The following DCC variants were observed in gnomAD, a reference collection of about 807,000 sequenced individuals.
DCC encodes netrin receptor DCC.
In DCC, 58 loss-of-function variants were observed where a neutral mutation model predicts 172.5. The ratio of observed to expected loss-of-function variants is 0.34; its 90% CI spans 0.27 to 0.42. DCC has a LOEUF of 0.42. Among genes scored for constraint, DCC ranks in the 10% least tolerant of loss-of-function variants. The pLI, the probability that DCC is intolerant of heterozygous loss-of-function variation, is 1.00. For missense variants in DCC, 1,740 were observed against 1,791.0 expected (o/e 0.97, Z 0.51); for synonymous variants, 709 against 644.5 (o/e 1.10, Z -1.52).
At chr18:53,391,611 A>C (rs933997442) in intron 16 of DCC, 44 bp from the exon 17 acceptor site, 2 of 1,224,240 alleles carry the variant, frequency 1.6e-6, no homozygotes, top group African/African-American at 3.0e-5. Context: ...GCTTTTATTT[A>C]CGTATTTATT....
intron 5 of DCC, among the ~76,000 whole-genome samples, chr18:52,959,463 G>T (rs183456166): frequency 1.1e-3 from 164 of 152,134 alleles, no homozygotes; most frequent in African/African-American, 3.7e-3. Context: ...AGCTACATTT[G>T]TATGTTTGTT....
chr18:52,871,044 GACA>G (rs1234314001), intron 2 of DCC, among the ~76,000 whole-genome samples: 1 of 152,126 alleles, frequency 6.6e-6, no homozygotes, highest in Non-Finnish European at 1.5e-5. Flanking sequence ...GCACTAACCA[GACA>G]ACAAAGGTTG....
chr18:52,804,052 T>G (rs1598819149), intron 2 of DCC, among the ~76,000 whole-genome samples: 1 of 152,146 alleles, frequency 6.6e-6, no homozygotes, highest in African/African-American at 2.4e-5. Context: ...AGTGGTGGCA[T>G]GTAGGGTAGA....
In DCC at chr18:52,340,548, G is replaced by T; in HGVS notation, c.-240G>T. The T allele has an allele frequency of 3.3e-6, 2 of 600,954 alleles. No homozygotes were observed. The highest frequency in any genetic ancestry group is 6.0e-6 in the Non-Finnish European group (2 of 335,118). The allele number at this position is 600,954 out of a possible 1,614,324, so 37.2% of individuals were successfully genotyped here. On this transcript the variant is annotated 5_prime_UTR_variant, in exon 1 of 29. Coordinates refer to ENST00000442544, the MANE Select transcript of DCC (RefSeq NM_005215.4). Reference sequence around the variant, plus strand: ...ACCGGGGCTCGGGATCTCTTGGACCGAATGGAACTTTTTGCTGCCTGCTTT... The same window carrying T: ...ACCGGGGCTCGGGATCTCTTGGACCTAATGGAACTTTTTGCTGCCTGCTTT...
chr18:52,731,577 A>G (rs2036643230), intron 1 of DCC, among the ~76,000 whole-genome samples: 2 of 152,202 alleles, frequency 1.3e-5, no homozygotes, highest in African/African-American at 4.8e-5. Context: ...CTGCATAGAC[A>G]TAGTATATTA....
At chr18:53,145,495 G>A (rs1464723677) in intron 7 of DCC, among the ~76,000 whole-genome samples, 1 of 152,186 alleles carries the variant, frequency 6.6e-6, no homozygotes, top group Non-Finnish European at 1.5e-5. Flanking sequence ...TTGTGAGGAC[G>A]CAGCAACGGG....
chr18:52,941,427 T>C (rs2085011297), intron 5 of DCC, among the ~76,000 whole-genome samples: 1 of 152,046 alleles, frequency 6.6e-6, no homozygotes, highest in Non-Finnish European at 1.5e-5. Context: ...AGTCCAGGAA[T>C]TGATGACTAA....
intron 1 of DCC, among the ~76,000 whole-genome samples, chr18:52,559,305 G>A (rs917992336): frequency 2.6e-5 from 4 of 152,124 alleles, no homozygotes; most frequent in African/African-American, 9.7e-5. Flanking sequence ...TAGAGACAGG[G>A]TTTCACCGTG....
intron 1 of DCC, among the ~76,000 whole-genome samples, chr18:52,550,994 T>C (rs1450865148): frequency 6.6e-6 from 1 of 152,088 alleles, no homozygotes; most frequent in Non-Finnish European, 1.5e-5. Flanking sequence ...AAGAGGTACA[T>C]GTGCAGATGT....
In DCC at chr18:53,210,324, G is replaced by A. The variant is rs112756383; in HGVS notation, c.1861+2507G>A. On this transcript the variant is annotated intron_variant, in intron 11 of 28. Coordinates refer to ENST00000442544, the MANE Select transcript of DCC (RefSeq NM_005215.4). ...CTTCAGTCATGGAGCACTCTTCTTCGTTAACTTTATGTATGTTGTAACAGG... is the reference window on the plus strand; with the variant it reads ...CTTCAGTCATGGAGCACTCTTCTTCATTAACTTTATGTATGTTGTAACAGG... Among the ~76,000 whole-genome samples, 9 of 152,252 alleles carry A rather than the reference G, an allele frequency of 5.9e-5. 1 individual carries two copies. The highest frequency in any genetic ancestry group is 2.1e-4 in the South Asian group (1 of 4,822).
intron 1 of DCC, among the ~76,000 whole-genome samples, chr18:52,640,263 G>A (rs2034864771): frequency 6.6e-6 from 1 of 152,086 alleles, no homozygotes; most frequent in Non-Finnish European, 1.5e-5. Context: ...ATACTGAATT[G>A]GGAAAAGTTG....
At chr18:53,137,266 G>A (rs1382114913) in intron 7 of DCC, among the ~76,000 whole-genome samples, 1 of 152,202 alleles carries the variant, frequency 6.6e-6, no homozygotes, top group Non-Finnish European at 1.5e-5. Context: ...CTCATCAGAG[G>A]CTTGACTGGG....
intron 15 of DCC, among the ~76,000 whole-genome samples, chr18:53,354,696 C>A (rs1468581646): frequency 6.6e-6 from 1 of 151,640 alleles, no homozygotes; most frequent in Non-Finnish European, 1.5e-5. Context: ...AATTTTCTCC[C>A]ATTCTGTAGG....
intron 5 of DCC, among the ~76,000 whole-genome samples, chr18:53,047,260 AT>A (rs1441049617): frequency 1.6e-4 from 2 of 12,344 alleles, no homozygotes; most frequent in Non-Finnish European, 3.3e-4. Context: ...ATATATATAT[AT>A]ATATATATAT....
chr18:53,268,403 A>C (rs2056707399), intron 12 of DCC, among the ~76,000 whole-genome samples: 1 of 152,210 alleles, frequency 6.6e-6, no homozygotes, highest in Non-Finnish European at 1.5e-5. Context: ...AAAATTTAAA[A>C]TCACAAGAAT....
At chr18:52,412,224 G>T (rs1986867792) in intron 1 of DCC, among the ~76,000 whole-genome samples, 1 of 152,052 alleles carries the variant, frequency 6.6e-6, no homozygotes, top group Non-Finnish European at 1.5e-5. Flanking sequence ...GTAAAGGCAT[G>T]TATACACATG....
chr18:52,410,607 G>A (rs556421480), intron 1 of DCC, among the ~76,000 whole-genome samples: 1 of 152,116 alleles, frequency 6.6e-6, no homozygotes, highest in South Asian at 2.1e-4. Context: ...TACCTGGTCG[G>A]AGATGTGGCA....
chr18:52,541,897 G>GTATATATATATATATATATA (rs1330162034), intron 1 of DCC, among the ~76,000 whole-genome samples: 1 of 43,460 alleles, frequency 2.3e-5, no homozygotes, highest in African/African-American at 8.4e-5. Flanking sequence ...ATATATATAT[G>GTATATATATATATATATATA]TGTATATATA....
chr18:53,218,615 G>A (rs1598916987), intron 12 of DCC, among the ~76,000 whole-genome samples: 1 of 152,080 alleles, frequency 6.6e-6, no homozygotes, highest in Admixed American at 6.6e-5. Context: ...CTAATGGCTT[G>A]ACTTACACAT....
Sources: allele counts gnomAD v4.1 joint callset (sites outside exome capture counted in the v4.1 genomes callset), GRCh38; gene constraint gnomAD v4.1.1; transcripts MANE v1.5; gene names NCBI Gene and HGNC (gene_info 2026-07-23, HGNC 2026-07-21).